The following FAM135A variants were observed in gnomAD, a reference collection of about 807,000 sequenced individuals.
The protein encoded by FAM135A is family with sequence similarity 135 member A.
In FAM135A, 79 loss-of-function variants were observed where a neutral mutation model predicts 146.8. That is an observed-to-expected ratio of 0.54 (90% CI 0.45 to 0.65). The LOEUF (loss-of-function observed/expected upper bound fraction) is 0.65, where lower values mean the gene tolerates loss of function less well. FAM135A is among the 30% of genes least tolerant of loss of function. FAM135A has a pLI of 0.00. For synonymous variants in FAM135A, 562 were observed against 603.6 expected (o/e 0.93, Z 1.01); for missense variants, 1,623 against 1,758.2 (o/e 0.92, Z 1.38).
At chr6:70,534,476 T>A (rs1307872675) in intron 18 of FAM135A, among the ~76,000 whole-genome samples, 1 of 151,824 alleles carries the variant, frequency 6.6e-6, no homozygotes, top group East Asian at 1.9e-4. Context: ...TGCACCACCA[T>A]GTCCAGCTAA....
At chr6:70,478,680 A>G (rs979439450) in intron 8 of FAM135A, among the ~76,000 whole-genome samples, 12 of 146,580 alleles carry the variant, frequency 8.2e-5, no homozygotes, top group Non-Finnish European at 1.6e-4. Flanking sequence ...GCACCAGGCC[A>G]GGAAGACATA....
chr6:70,432,238 T>G (rs1197588349), intron 4 of FAM135A, among the ~76,000 whole-genome samples: 2 of 152,142 alleles, frequency 1.3e-5, no homozygotes, highest in African/African-American at 4.8e-5. Context: ...ATGGAAAAAA[T>G]AGATGTATAC....
intron 8 of FAM135A, among the ~76,000 whole-genome samples, chr6:70,478,614 T>C (rs2128169555): frequency 6.6e-6 from 1 of 152,268 alleles, no homozygotes; most frequent in South Asian, 2.1e-4. Context: ...ACATCTTTCA[T>C]TCTGTTGCTC....
intron 11 of FAM135A, among the ~76,000 whole-genome samples, chr6:70,496,772 A>ATT (rs60713372): frequency 4.2e-5 from 6 of 143,266 alleles, no homozygotes; most frequent in African/African-American, 1.3e-4. Flanking sequence ...TCCTTTCCCC[A>ATT]TTTTTTTTTT....
rs1187450763 is a variant in FAM135A, at chr6:70,526,792, C to T, written c.3614+94C>T. On this transcript the variant is annotated intron_variant, in intron 15 of 21. Transcript: ENST00000418814. ...ACACACACACACACACACACACACACACACACACACATATATATATAAAAT... is the reference window on the plus strand; with the variant it reads ...ACACACACACACACACACACACACATACACACACACATATATATATAAAAT... The T allele has an allele frequency of 3.6e-4, 282 of 780,174 alleles. 2 individuals carry two copies. Among genetic ancestry groups the T allele is most frequent in the Middle Eastern group, 1.4e-3 (4 of 2,764 alleles). 48.3% of individuals were successfully genotyped at this position (780,174 alleles called of 1,614,324 possible). A position where few individuals can be genotyped will look rare whatever the true frequency, so the allele number is the denominator to read the frequency against.
At chr6:70,517,390 G>T (rs890889732) in intron 12 of FAM135A, among the ~76,000 whole-genome samples, 2 of 151,018 alleles carry the variant, frequency 1.3e-5, no homozygotes, top group African/African-American at 4.9e-5. Context: ...TATTAGCCAG[G>T]CATGGTGGTG....
intron 10 of FAM135A, among the ~76,000 whole-genome samples, chr6:70,490,768 G>T (rs1295192448): frequency 1.3e-5 from 2 of 151,976 alleles, no homozygotes; most frequent in African/African-American, 4.8e-5. Context: ...TGACACAGTT[G>T]TGCAAGTTAC....
At chr6:70,467,635 AC>A (rs1780721759) in intron 5 of FAM135A, among the ~76,000 whole-genome samples, 1 of 151,454 alleles carries the variant, frequency 6.6e-6, no homozygotes, top group Admixed American at 6.6e-5. Flanking sequence ...TTTATTTTTA[AC>A]CCTTTTTTGA....
chr6:70,441,227 C>T (rs1025672861), intron 4 of FAM135A, among the ~76,000 whole-genome samples: 1 of 151,984 alleles, frequency 6.6e-6, no homozygotes, highest in Non-Finnish European at 1.5e-5. Flanking sequence ...AAACCCGTCT[C>T]TACTAAAAAT....
At chr6:70,425,787 G>A (rs1050756876) in intron 2 of FAM135A, among the ~76,000 whole-genome samples, 1 of 152,164 alleles carries the variant, frequency 6.6e-6, no homozygotes, top group Non-Finnish European at 1.5e-5. Flanking sequence ...ACTTTAAAAT[G>A]GTGAGTTCCA....
At chr6:70,464,343 A>G (rs1213187773) in intron 5 of FAM135A, among the ~76,000 whole-genome samples, 1 of 152,254 alleles carries the variant, frequency 6.6e-6, no homozygotes, top group Admixed American at 6.5e-5. Context: ...ATAGGATATT[A>G]AATTAAGAAG....
At position 70,526,668 on chromosome 6, in the gene FAM135A, A is replaced by G. The variant is rs767407061; in HGVS notation, c.3584A>G (p.Tyr1195Cys). Residue 1195 changes from tyrosine (Y) to cysteine (C), a missense_variant, in exon 15 of 22, where the codon TAT (tyrosine) becomes TGT (cysteine). Physicochemically the swap from Tyr to Cys is radical, Grantham distance 194. Around this residue, in one of 7 missense-constraint regions of FAM135A, gnomAD observed 1,061 missense variants for 1,113.8 expected, o/e 0.95. Transcript: ENST00000418814. ...AACTTCACTTCTTCGATTTCCTGGT[A>G]TGAAAGTTCACCAAAACCTCAAATA... ...SYNFTSSISW[Y>C]ESSPKPQIQA... 3.1e-6 allele frequency: 5 copies of G among 1,603,204 alleles called. No individual in the cohort carries two copies. The East Asian group carries it at 9.0e-5, about 29-fold the overall frequency.
chr6:70,489,963 T>C (rs555342228), intron 10 of FAM135A, among the ~76,000 whole-genome samples: 1 of 152,268 alleles, frequency 6.6e-6, no homozygotes, highest in East Asian at 1.9e-4. Context: ...TCTCCAGGAC[T>C]TCTTTGCCCA....
intron 19 of FAM135A, 138 bp downstream of exon 19, chr6:70,536,549 T>A: frequency 3.1e-6 from 2 of 651,806 alleles, no homozygotes; most frequent in Non-Finnish European, 4.5e-6. Context: ...GCTAATTTTC[T>A]GTTTTGTTAT....
Position 70,524,394 on chromosome 6 carries a change from G to C in FAM135A, c.1310G>C (p.Ser437Thr), listed in dbSNP as rs1165110053. 2 of 1,518,676 alleles carry C rather than the reference G, an allele frequency of 1.3e-6. No individual in the cohort carries two copies. Among genetic ancestry groups the C allele is most frequent in the Non-Finnish European group, 1.8e-6 (2 of 1,138,222 alleles). The allele number at this position is 1,518,676 out of a possible 1,614,324, so 94.1% of individuals were successfully genotyped here. Residue 437 changes from serine to threonine, a missense_variant, in exon 15 of 22, where the codon AGT becomes ACT. Transcript: ENST00000418814. ...CAGAATCTTCAGAGATCAGAGTCCA[G>C]TAAAATGGATAAATATGAGACTGAA... ...GIQNLQRSES[S>T]KMDKYETEES...
intron 10 of FAM135A, among the ~76,000 whole-genome samples, chr6:70,489,753 A>G (rs1193765964): frequency 6.6e-6 from 1 of 152,160 alleles, no homozygotes; most frequent in Non-Finnish European, 1.5e-5. Context: ...GTAGTTGTAC[A>G]TGCTAGTACA....
At position 70,475,326 on chromosome 6, in the gene FAM135A, A is replaced by G. The variant is rs369562732; in HGVS notation, c.158-84A>G. 3 of 1,121,812 alleles carry G rather than the reference A, an allele frequency of 2.7e-6. No homozygotes were observed. In the African/African-American group the frequency reaches 4.8e-5, roughly 18 times the overall value. The allele number at this position is 1,121,812 out of a possible 1,614,324, so 69.5% of individuals were successfully genotyped here. ...TGACACTATAGTAATATAATCAAAC[A>G]TACAGTATTTTAAAGTACAAGTGTT... is the stretch of plus-strand genomic sequence containing the variant. On this transcript the variant is annotated intron_variant, in intron 5 of 21. Coordinates refer to ENST00000418814, the MANE Select transcript of FAM135A (RefSeq NM_001162529.3).
intron 5 of FAM135A, among the ~76,000 whole-genome samples, chr6:70,474,099 A>G (rs551451104): frequency 1.6e-3 from 250 of 151,552 alleles, no homozygotes; most frequent in African/African-American, 5.9e-3. Context: ...TCAGGCCACC[A>G]CCCCATGTGG....
intron 5 of FAM135A, among the ~76,000 whole-genome samples, chr6:70,460,788 GATCT>G (rs150338603): frequency 0.12 from 18,682 of 150,610 alleles, 1,559 homozygotes; most frequent in Middle Eastern, 0.29. Flanking sequence ...TTTATCTATC[GATCT>G]ATCTATCTAT....
Sources: gnomAD v4.1 joint callset for allele counts (sites outside exome capture counted in the v4.1 genomes callset) on GRCh38, gnomAD v4.1.1 for gene constraint, gnomAD v4.1.1 regional missense constraint, MANE v1.5 for transcripts, NCBI Gene and HGNC (gene_info 2026-07-23, HGNC 2026-07-21) for gene names.